NUDT5: variants seen among roughly 807,000 people sequenced by gnomAD.
The protein encoded by NUDT5 is ADP-sugar pyrophosphatase.
In NUDT5, 21 loss-of-function variants were observed where a neutral mutation model predicts 34.1. The ratio of observed to expected loss-of-function variants is 0.62; its 90% CI spans 0.44 to 0.89. NUDT5 has a LOEUF of 0.89. Ranked by LOEUF, NUDT5 falls within the 40% of genes least tolerant of loss-of-function variation. The pLI is 0.00. For missense variants in NUDT5, 249 were observed against 274.8 expected, an observed-to-expected ratio of 0.91 and a Z score of 0.66; for synonymous variants, 85 against 97.6, an observed-to-expected ratio of 0.87 and a Z score of 0.76.
At position 12,173,044 on chromosome 10, in the gene NUDT5, C is replaced by T. The variant is rs1176219062; in HGVS notation, c.386-178G>A. Reference sequence around the variant, plus strand: ...CAAAGCATCTGGGCACTCACACTCTCCCCAGAGCTCTCGAGTCAAGCTTGC... The same window carrying T: ...CAAAGCATCTGGGCACTCACACTCTTCCCAGAGCTCTCGAGTCAAGCTTGC... On this transcript the variant is annotated intron_variant, in intron 6 of 9. Coordinates refer to ENST00000491614, the MANE Select transcript of NUDT5 (RefSeq NM_014142.4). The surrounding 1 kb of genome is among the most constrained non-coding windows in gnomAD (Gnocchi z 4.7). Among the ~76,000 whole-genome samples the T allele has an allele frequency of 6.6e-6, 1 of 152,204 alleles. No individual in the cohort carries two copies. The highest frequency in any genetic ancestry group is 1.5e-5 in the Non-Finnish European group (1 of 68,032).
Position 12,187,982 on chromosome 10 carries a change from TAAA to T in NUDT5, c.-41-1653_-41-1651del, listed in dbSNP as rs1280218903. ...ACCCTGTCTCCACAAAAATAAAAAA[TAAA>T]AAAATTAGCCGGGTGTGGTGGTGGG... On this transcript the variant is annotated intron_variant, in intron 1 of 9. Coordinates refer to ENST00000491614, the MANE Select transcript of NUDT5 (RefSeq NM_014142.4). The surrounding 1 kb of genome is among the most constrained non-coding windows in gnomAD (Gnocchi z 5.4). 6.6e-6 allele frequency among the ~76,000 whole-genome samples: 1 copy of T among 151,654 alleles called. No homozygotes were observed. The highest frequency in any genetic ancestry group is 2.4e-5 in the African/African-American group (1 of 41,270).
At chr10:12,194,030 A>C (rs531672451) in intron 1 of NUDT5, among the ~76,000 whole-genome samples, 4 of 152,314 alleles carry the variant, frequency 2.6e-5, no homozygotes, top group African/African-American at 7.2e-5. Context: ...GCATGCGCCA[A>C]CACGCCCGGC....
chr10:12,189,762 T>C lies in NUDT5; in HGVS notation c.-41-3430A>G, dbSNP rs557844636. On this transcript the variant is annotated intron_variant, in intron 1 of 9. Coordinates refer to ENST00000491614, the MANE Select transcript of NUDT5 (RefSeq NM_014142.4). Reference sequence around the variant, plus strand: ...GTTTGCCTTCACTGACTCAACGCTATTTCAAGATTTAAAAGCAAACTTTGA... The same window carrying C: ...GTTTGCCTTCACTGACTCAACGCTACTTCAAGATTTAAAAGCAAACTTTGA... Among the ~76,000 whole-genome samples, 211 of 152,368 alleles carry C rather than the reference T, an allele frequency of 1.4e-3. 1 individual carries two copies. Among genetic ancestry groups the C allele is most frequent in the Non-Finnish European group, 2.6e-3 (177 of 68,036 alleles).
chr10:12,180,474 G>A (rs1835024925), intron 3 of NUDT5: 1 of 152,206 alleles, frequency 6.6e-6, no homozygotes, highest in Non-Finnish European at 1.5e-5. Flanking sequence ...AAGCACTGAA[G>A]GTCCCATCCC....
At position 12,182,978 on chromosome 10, in the gene NUDT5, C is replaced by T. The variant is rs137867003; in HGVS notation, c.131+1911G>A. On this transcript the variant is annotated intron_variant, in intron 3 of 9. Coordinates refer to ENST00000491614, the MANE Select transcript of NUDT5 (RefSeq NM_014142.4). The surrounding 1 kb of genome is among the most constrained non-coding windows in gnomAD (Gnocchi z 4.3). ...TCTCGAACTCTTGACCTCAAGTGAT[C>T]CACCCACCTTGGCCTCCCAAAGTAA... 2.6e-5 allele frequency among the ~76,000 whole-genome samples: 4 copies of T among 152,308 alleles called. No homozygotes were observed. Among genetic ancestry groups the T allele is most frequent in the African/African-American group, 9.6e-5 (4 of 41,582 alleles).
rs1384553081 is a variant in NUDT5 at position 12,170,287 on chromosome 10, T to G, written c.550+430A>C. On this transcript the variant is annotated intron_variant, in intron 9 of 9. Coordinates refer to ENST00000491614, the MANE Select transcript of NUDT5 (RefSeq NM_014142.4). This position sits in a 1 kb window ranked among gnomAD's most constrained non-coding sequence, Gnocchi z 4.9. ...AGTATACAGGAAATACCTCAAGTAT[T>G]TGTTGAAGGAGCATCATCAATTTCT... The G allele has an allele frequency of 4.1e-6, 5 of 1,207,604 alleles. No individual in the cohort carries two copies. Among genetic ancestry groups the G allele is most frequent in the Non-Finnish European group, 6.1e-6 (5 of 826,274 alleles). 74.8% of individuals were successfully genotyped at this position (1,207,604 alleles called of 1,614,324 possible).
intron 3 of NUDT5, among the ~76,000 whole-genome samples, chr10:12,183,595 T>A (rs1835078882): frequency 6.6e-6 from 1 of 152,226 alleles, no homozygotes; most frequent in Admixed American, 6.5e-5. Flanking sequence ...GTTACTAAAT[T>A]TCATCCTCAT....
At chr10:12,190,568 C>T (rs988865554) in intron 1 of NUDT5, among the ~76,000 whole-genome samples, 1 of 151,280 alleles carries the variant, frequency 6.6e-6, no homozygotes. Flanking sequence ...GAGGGACACA[C>T]ACATCCCCTT....
In NUDT5 at chr10:12,170,142, C is replaced by T. The variant is rs1834824044; in HGVS notation, c.550+575G>A. 1.2e-6 allele frequency: 2 copies of T among 1,612,484 alleles called. No homozygotes were observed. The highest frequency in any genetic ancestry group is 1.1e-5 in the South Asian group (1 of 91,078). Reference sequence around the variant, plus strand: ...AAGGACTTTTCTCCCCATAAGCTTACTGTTTACAAAGTCTCTAAAAGATGG... The same window carrying T: ...AAGGACTTTTCTCCCCATAAGCTTATTGTTTACAAAGTCTCTAAAAGATGG... On this transcript the variant is annotated intron_variant, in intron 9 of 9. Coordinates refer to ENST00000491614, the MANE Select transcript of NUDT5 (RefSeq NM_014142.4). The surrounding 1 kb of genome is among the most constrained non-coding windows in gnomAD (Gnocchi z 4.9).
At position 12,184,935 on chromosome 10, in the gene NUDT5, C is replaced by T. The variant is rs575921260; in HGVS notation, c.85G>A (p.Val29Ile). 12 of 1,583,876 alleles carry T rather than the reference C, an allele frequency of 7.6e-6. No individual in the cohort carries two copies. In the East Asian group the frequency reaches 2.5e-4, roughly 33 times the overall value. ...SEELISEGKW[V>I]KLEKTTYMDP... is the part of the protein sequence containing the mutation. ...ATGTACGTTGTTTTTTCAAGCTTGACCCATTTTCCTTCTGAAATTAACTAA... is the reference window on the plus strand; with the variant it reads ...ATGTACGTTGTTTTTTCAAGCTTGATCCATTTTCCTTCTGAAATTAACTAA... The change falls in exon 3 of 10, where the codon GTC becomes ATC. Residue 29 changes from valine (V) to isoleucine (I), a missense_variant. By Grantham distance (29) the Val-to-Ile change is conservative. Coordinates refer to ENST00000491614, the MANE Select transcript of NUDT5 (RefSeq NM_014142.4).
chr10:12,176,476 T>C (rs544705560), intron 5 of NUDT5, among the ~76,000 whole-genome samples: 93 of 151,554 alleles, frequency 6.1e-4, no homozygotes, highest in African/African-American at 2.1e-3. Flanking sequence ...TGGTGGCTCA[T>C]GCCTATAATC....
In NUDT5 at chr10:12,166,920, G is replaced by T. The variant is rs564980785; in HGVS notation, c.*782C>A. 6.7e-6 allele frequency: 2 copies of T among 296,708 alleles called. No individual in the cohort carries two copies. Among genetic ancestry groups the T allele is most frequent in the African/African-American group, 4.4e-5 (2 of 45,046 alleles). The allele number at this position is 296,708 out of a possible 1,614,324, so 18.4% of individuals were successfully genotyped here. ...GGTACTGGCTGATCTTGCTGGTTCT[G>T]TTCATGGTTTAACATCAAGATATTA... On this transcript the variant is annotated 3_prime_UTR_variant, in exon 10 of 10. Transcript: ENST00000491614.
intron 7 of NUDT5, chr10:12,172,549 A>AT (rs374162180): frequency 1.1e-4 from 65 of 584,294 alleles, no homozygotes; most frequent in South Asian, 1.1e-3. Context: ...GTCATTTAAC[A>AT]TTTTTTTACA....
In NUDT5 at chr10:12,166,769, AACTC is replaced by A. The variant is rs1409637672; in HGVS notation, c.*929_*932del. The A allele has an allele frequency of 4.0e-6, 2 of 496,424 alleles. No individual in the cohort carries two copies. Among genetic ancestry groups the A allele is most frequent in the Non-Finnish European group, 8.3e-6 (2 of 241,722 alleles). The allele number at this position is 496,424 out of a possible 1,614,324, so 30.8% of individuals were successfully genotyped here. ...CTAAAAGTCAACACAAAAAGAGCTA[AACTC>A]ACTCAAGAAGCTAAGAAAATGGCCC... is the stretch of plus-strand genomic sequence containing the variant. On this transcript the variant is annotated 3_prime_UTR_variant, in exon 10 of 10. Transcript: ENST00000491614.
At chr10:12,185,931 C>G (rs941614200) in intron 2 of NUDT5, among the ~76,000 whole-genome samples, 1 of 152,188 alleles carries the variant, frequency 6.6e-6, no homozygotes, top group Non-Finnish European at 1.5e-5. Flanking sequence ...TATGAAATAT[C>G]TGAGTCCGCA....
intron 3 of NUDT5, 109 bp from the exon 4 acceptor site, chr10:12,179,241 C>G (rs1244873695): frequency 2.5e-6 from 2 of 786,998 alleles, no homozygotes; most frequent in Non-Finnish European, 4.3e-6. Context: ...CAAATGTACT[C>G]ATGATACTGG....
chr10:12,183,856 A>T (rs1835082520), intron 3 of NUDT5, among the ~76,000 whole-genome samples: 1 of 152,110 alleles, frequency 6.6e-6, no homozygotes, highest in Admixed American at 6.6e-5. Flanking sequence ...CTTTTCCCAT[A>T]TTGCTAGGTT....
chr10:12,184,299 C>T (rs1348208382), intron 3 of NUDT5, among the ~76,000 whole-genome samples: 5 of 152,044 alleles, frequency 3.3e-5, no homozygotes, highest in African/African-American at 1.2e-4. Context: ...CCCCCCGCCC[C>T]GGCCCCCACC....
intron 5 of NUDT5, among the ~76,000 whole-genome samples, chr10:12,174,865 C>T (rs1588656305): frequency 1.3e-5 from 2 of 152,214 alleles, no homozygotes; most frequent in Middle Eastern, 6.8e-3. Flanking sequence ...GTCTTGTCTT[C>T]CTCCCTCATA....
Sources: gnomAD v4.1 joint callset for allele counts (sites outside exome capture counted in the v4.1 genomes callset) on GRCh38, gnomAD v4.1.1 for gene constraint, Gnocchi (gnomAD v3.1) non-coding constraint, MANE v1.5 for transcripts, NCBI Gene and HGNC (gene_info 2026-07-23, HGNC 2026-07-21) for gene names.